PAX5: variants seen among roughly 807,000 people sequenced by gnomAD.
PAX5 encodes paired box protein Pax-5.
A neutral mutation model predicts 43.7 loss-of-function variants in PAX5; 9 were observed. That is an observed-to-expected ratio of 0.21 (90% CI 0.12 to 0.36). PAX5 has a LOEUF of 0.36. PAX5 is among the 10% of genes least tolerant of loss of function. PAX5 has a pLI of 1.00. For synonymous variants in PAX5, 228 were observed against 214.3 expected (o/e 1.06, Z -0.56); for missense variants, 383 against 532.7 (o/e 0.72, Z 2.77).
At chr9:36,924,715 G>GT (rs576353771) in intron 6 of PAX5, among the ~76,000 whole-genome samples, 1,515 of 47,458 alleles carry the variant, frequency 0.032, 19 homozygotes, top group Middle Eastern at 0.085. Flanking sequence ...GCAAGACTCT[G>GT]TCAAAAAAAA....
At chr9:36,848,406 C>G (rs1453206431) in intron 8 of PAX5, among the ~76,000 whole-genome samples, 2 of 130,472 alleles carry the variant, frequency 1.5e-5, no homozygotes, top group African/African-American at 6.1e-5. Flanking sequence ...CCTCGGGCCT[C>G]TCTGGGGGCC....
chr9:36,931,063 A>C (rs1397712672), intron 6 of PAX5: 2 of 436,850 alleles, frequency 4.6e-6, no homozygotes, highest in Non-Finnish European at 9.2e-6. Context: ...ACCTGGGGCC[A>C]GGAGGCCTCC....
intron 6 of PAX5, among the ~76,000 whole-genome samples, chr9:36,930,216 C>CTTTT (rs144710055): frequency 3.5e-4 from 30 of 85,540 alleles, no homozygotes; most frequent in African/African-American, 1.2e-3. Flanking sequence ...GATGGATGTC[C>CTTTT]TTTTTTTTTT....
At chr9:36,972,023 C>T (rs554332308) in intron 5 of PAX5, among the ~76,000 whole-genome samples, 11 of 152,282 alleles carry the variant, frequency 7.2e-5, no homozygotes, top group African/African-American at 2.2e-4. Flanking sequence ...AATCATCATG[C>T]GCTTTATGTC....
At chr9:36,844,788 C>T (rs1027995115) in intron 9 of PAX5, among the ~76,000 whole-genome samples, 2 of 151,870 alleles carry the variant, frequency 1.3e-5, no homozygotes, top group Non-Finnish European at 2.9e-5. Context: ...CCTATCTCCT[C>T]AGACCTACAC....
chr9:36,892,144 A>G (rs1827452709), intron 7 of PAX5, among the ~76,000 whole-genome samples: 1 of 152,206 alleles, frequency 6.6e-6, no homozygotes, highest in African/African-American at 2.4e-5. Flanking sequence ...AAAGCAGCAA[A>G]GCAGCTCTAC....
intron 7 of PAX5, among the ~76,000 whole-genome samples, chr9:36,889,004 T>C (rs1011353084): frequency 3.3e-5 from 5 of 152,178 alleles, no homozygotes; most frequent in African/African-American, 1.2e-4. Context: ...CTTTCTTTGA[T>C]AATTGGAAAA....
chr9:36,911,249 T>C (rs954964093), intron 7 of PAX5, among the ~76,000 whole-genome samples: 4 of 152,222 alleles, frequency 2.6e-5, no homozygotes, highest in African/African-American at 9.6e-5. Context: ...GGCACCATGG[T>C]ACTCCCGGCC....
chr9:36,995,813 C>T (rs567896915), intron 5 of PAX5, among the ~76,000 whole-genome samples: 6 of 152,262 alleles, frequency 3.9e-5, no homozygotes, highest in South Asian at 2.1e-4. Flanking sequence ...ACCCCTCAGA[C>T]GCCCAGCCCT....
At chr9:36,846,241 G>A (rs1563883579) in intron 9 of PAX5, among the ~76,000 whole-genome samples, 2 of 152,226 alleles carry the variant, frequency 1.3e-5, no homozygotes, top group South Asian at 4.1e-4. Context: ...AGATCAGACT[G>A]CCACCAGTCA....
At chr9:36,946,715 C>T (rs923537235) in intron 6 of PAX5, among the ~76,000 whole-genome samples, 1 of 152,164 alleles carries the variant, frequency 6.6e-6, no homozygotes, top group Non-Finnish European at 1.5e-5. Context: ...GGACACTTTG[C>T]GGTTTAAGTC....
chr9:37,000,214 C>A (rs1837730210), intron 5 of PAX5, among the ~76,000 whole-genome samples: 1 of 152,178 alleles, frequency 6.6e-6, no homozygotes, highest in Non-Finnish European at 1.5e-5. Flanking sequence ...ACAGACACTT[C>A]CCTGGTGTGA....
intron 6 of PAX5, among the ~76,000 whole-genome samples, chr9:36,954,305 A>T (rs1183906365): frequency 6.6e-6 from 1 of 152,178 alleles, no homozygotes; most frequent in African/African-American, 2.4e-5. Context: ...CCTTTTGTTC[A>T]GCTTTACTTC....
intron 5 of PAX5, among the ~76,000 whole-genome samples, chr9:36,982,168 G>A (rs1424303406): frequency 6.6e-6 from 1 of 152,174 alleles, no homozygotes; most frequent in Non-Finnish European, 1.5e-5. Context: ...GGTGGCTGAG[G>A]CAGGAGAATC....
chr9:36,937,946 T>A (rs1831703049), intron 6 of PAX5, among the ~76,000 whole-genome samples: 2 of 152,210 alleles, frequency 1.3e-5, no homozygotes. Context: ...AAACCAGGCA[T>A]GTGACTGTTT....
intron 6 of PAX5, among the ~76,000 whole-genome samples, chr9:36,947,616 GTATT>G (rs1483445483): frequency 1.3e-5 from 2 of 151,728 alleles, no homozygotes; most frequent in Non-Finnish European, 2.9e-5. Flanking sequence ...TCAAGTGAAA[GTATT>G]TAAGGATATG....
At chr9:36,958,219 T>C (rs1396353960) in intron 6 of PAX5, among the ~76,000 whole-genome samples, 1 of 152,098 alleles carries the variant, frequency 6.6e-6, no homozygotes, top group East Asian at 1.9e-4. Flanking sequence ...CTAAATGTGC[T>C]GTTGAGGACC....
At chr9:36,958,299 GA>G (rs3073719) in intron 6 of PAX5, among the ~76,000 whole-genome samples, 3 of 151,082 alleles carry the variant, frequency 2.0e-5, no homozygotes, top group East Asian at 3.9e-4. Flanking sequence ...TAAATGTCAG[GA>G]AAAAAAAATG....
chr9:36,984,488 T>C (rs576584676), intron 5 of PAX5, among the ~76,000 whole-genome samples: 115 of 120,498 alleles, frequency 9.5e-4, no homozygotes, highest in African/African-American at 3.5e-3. Context: ...TCACCCAGGC[T>C]GGAGTGCAGT....
Sources: gnomAD v4.1 joint callset for allele counts (sites outside exome capture counted in the v4.1 genomes callset) on GRCh38, gnomAD v4.1.1 for gene constraint, MANE v1.5 for transcripts, NCBI Gene and HGNC (gene_info 2026-07-23, HGNC 2026-07-21) for gene names.